The following KCNT2 variants were observed in gnomAD, a reference collection of about 807,000 sequenced individuals.
KCNT2 encodes the protein potassium channel subfamily T member 2.
In KCNT2, 67 loss-of-function variants were observed where a neutral mutation model predicts 153.8. The ratio of observed to expected loss-of-function variants is 0.44; its 90% CI spans 0.36 to 0.53. The LOEUF is 0.53. Ranked by LOEUF, KCNT2 falls within the 20% of genes least tolerant of loss-of-function variation. The pLI is 0.00. For missense variants in KCNT2, 975 were observed against 1,354.8 expected, an observed-to-expected ratio of 0.72 and a Z score of 4.40; for synonymous variants, 500 against 458.8, an observed-to-expected ratio of 1.09 and a Z score of -1.15.
In KCNT2 at chr1:196,465,312, G is replaced by T; in HGVS notation, c.619C>A (p.Leu207Ile). The T allele has an allele frequency of 1.3e-6, 2 of 1,578,798 alleles. No homozygotes were observed. Among genetic ancestry groups the T allele is most frequent in the Non-Finnish European group, 1.7e-6 (2 of 1,148,614 alleles). ...TCTTACCAGGTGAAGATAAGGCATA[G>T]TAATGTAGATATTAAAATCAAAACT... The part of the protein sequence containing the change: ...NQVLILISTL[L>I]CLIFTCICGI... Residue 207 changes from leucine (L) to isoleucine (I), a missense_variant, in exon 8 of 28, where the codon CTA (leucine) becomes ATA (isoleucine). Coordinates refer to ENST00000294725, the MANE Select transcript of KCNT2 (RefSeq NM_198503.5).
intron 1 of KCNT2, among the ~76,000 whole-genome samples, chr1:196,590,174 A>G (rs1269290810): frequency 6.6e-6 from 1 of 152,176 alleles, no homozygotes; most frequent in Non-Finnish European, 1.5e-5. Flanking sequence ...TAAAGCAGAC[A>G]TTGAAAGGAA....
intron 12 of KCNT2, among the ~76,000 whole-genome samples, chr1:196,414,252 T>A (rs1010720969): frequency 6.6e-6 from 1 of 151,754 alleles, no homozygotes; most frequent in Non-Finnish European, 1.5e-5. Context: ...TACATTATAC[T>A]CTGTACATTA....
intron 19 of KCNT2, 52 bp from the exon 20 acceptor site, chr1:196,319,607 C>T: frequency 2.5e-6 from 3 of 1,192,364 alleles, no homozygotes; most frequent in Non-Finnish European, 3.7e-6. Flanking sequence ...ACAGTGGCAG[C>T]ACTTCTAGGG....
At chr1:196,339,549 AG>A (rs1665406525) in intron 16 of KCNT2, among the ~76,000 whole-genome samples, 2 of 151,530 alleles carry the variant, frequency 1.3e-5, no homozygotes, top group Non-Finnish European at 2.9e-5. Flanking sequence ...AGAGAGAGAG[AG>A]AGACAGAGAC....
rs1490073283 is a variant in KCNT2 at position 196,317,894 on chromosome 1, AAGT to A, written c.2348+1587_2348+1589del. On this transcript the variant is annotated intron_variant, in intron 20 of 27. Coordinates refer to ENST00000294725, the MANE Select transcript of KCNT2 (RefSeq NM_198503.5). ...ACATATCAATTTAAATCTATATAGAAAGTAGATAAATTTGGAATAATATTTCTG... is the reference window on the plus strand; with the variant it reads ...ACATATCAATTTAAATCTATATAGAAAGATAAATTTGGAATAATATTTCTG... Among the ~76,000 whole-genome samples the A allele has an allele frequency of 2.0e-5, 3 of 151,758 alleles. No individual in the cohort carries two copies. In the Admixed American group the frequency reaches 2.0e-4, roughly 10 times the overall value.
intron 25 of KCNT2, among the ~76,000 whole-genome samples, chr1:196,262,037 T>C (rs1462248278): frequency 6.6e-6 from 1 of 151,886 alleles, no homozygotes; most frequent in Non-Finnish European, 1.5e-5. Flanking sequence ...ATACTTAATA[T>C]GATTTTTAAG....
chr1:196,434,272 C>T (rs1002820024), intron 8 of KCNT2, among the ~76,000 whole-genome samples: 3 of 151,990 alleles, frequency 2.0e-5, no homozygotes, highest in Admixed American at 1.3e-4. Flanking sequence ...CTTCTTTATA[C>T]TTCACTAGAG....
intron 22 of KCNT2, among the ~76,000 whole-genome samples, chr1:196,293,142 C>T (rs575979534): frequency 6.7e-4 from 102 of 152,030 alleles, no homozygotes; most frequent in Admixed American, 2.6e-3. Context: ...AAATCTAAAG[C>T]GTTATTGTGG....
chr1:196,317,279 C>T (rs1035414506), intron 20 of KCNT2: 10 of 452,692 alleles, frequency 2.2e-5, no homozygotes, highest in Non-Finnish European at 4.4e-5. Context: ...ACTGTGGAAA[C>T]AGAATGTTAT....
chr1:196,421,182 C>T (rs1673172832), intron 12 of KCNT2, among the ~76,000 whole-genome samples: 1 of 151,934 alleles, frequency 6.6e-6, no homozygotes, highest in South Asian at 2.1e-4. Flanking sequence ...GTCTCATCTA[C>T]CAAATCTGTT....
At chr1:196,593,537 TAA>T (rs989561565) in intron 1 of KCNT2, among the ~76,000 whole-genome samples, 24 of 151,912 alleles carry the variant, frequency 1.6e-4, no homozygotes, top group African/African-American at 5.8e-4. Context: ...CGAAAATAAC[TAA>T]AAGAGTATAA....
intron 1 of KCNT2, among the ~76,000 whole-genome samples, chr1:196,559,424 T>C (rs751158582): frequency 2.4e-4 from 37 of 151,738 alleles, no homozygotes; most frequent in African/African-American, 8.7e-4. Context: ...TCCAGTTTTA[T>C]GCTGTTATAA....
intron 8 of KCNT2, among the ~76,000 whole-genome samples, chr1:196,450,533 TCA>T (rs1676066773): frequency 6.6e-6 from 1 of 152,070 alleles, no homozygotes; most frequent in South Asian, 2.1e-4. Context: ...GCACCATCAT[TCA>T]CAGTTTTCCA....
chr1:196,363,006 C>T (rs949116820), intron 14 of KCNT2, among the ~76,000 whole-genome samples: 10 of 152,146 alleles, frequency 6.6e-5, no homozygotes, highest in Non-Finnish European at 1.5e-4. Context: ...TACTAGTTCT[C>T]CTCAAACTTT....
At chr1:196,336,645 G>C (rs1357789992) in intron 16 of KCNT2, among the ~76,000 whole-genome samples, 1 of 152,116 alleles carries the variant, frequency 6.6e-6, no homozygotes, top group Non-Finnish European at 1.5e-5. Flanking sequence ...CCCAAACGTA[G>C]TCCAATCTAG....
intron 22 of KCNT2, among the ~76,000 whole-genome samples, chr1:196,289,717 C>A (rs959773879): frequency 3.9e-5 from 6 of 152,022 alleles, no homozygotes. Context: ...TTGGGTTTTA[C>A]AATAAATGTT....
In KCNT2 at chr1:196,417,842, A is replaced by G. The variant is rs941558815; in HGVS notation, c.1185+5208T>C. 3.3e-5 allele frequency among the ~76,000 whole-genome samples: 5 copies of G among 152,224 alleles called. No individual in the cohort carries two copies. The East Asian group carries it at 9.7e-4, about 30-fold the overall frequency. On this transcript the variant is annotated intron_variant, in intron 12 of 27. Coordinates refer to ENST00000294725, the MANE Select transcript of KCNT2 (RefSeq NM_198503.5). ...GATCTTAGTCGACATCATCACAAAC[A>G]CATAAGCTCTGCACTGCTAAGTTAC...
chr1:196,248,485 C>T (rs1240346243), intron 26 of KCNT2, among the ~76,000 whole-genome samples: 1 of 151,950 alleles, frequency 6.6e-6, no homozygotes, highest in Non-Finnish European at 1.5e-5. Context: ...TGCAGAAATA[C>T]AAAGGATCTT....
At chr1:196,331,404 A>C (rs958222564) in intron 17 of KCNT2, 143 bp from the exon 18 acceptor site, 1 of 610,716 alleles carries the variant, frequency 1.6e-6, no homozygotes, top group African/African-American at 1.9e-5. Context: ...GTAGTTAAGA[A>C]GAGAGGTAGG....
Sources: gnomAD v4.1 joint callset for allele counts (sites outside exome capture counted in the v4.1 genomes callset) on GRCh38, gnomAD v4.1.1 for gene constraint, MANE v1.5 for transcripts, NCBI Gene and HGNC (gene_info 2026-07-23, HGNC 2026-07-21) for gene names.